SCN11A: variants seen among roughly 807,000 people sequenced by gnomAD.
SCN11A encodes sodium voltage-gated channel alpha subunit 11, also known as sodium channel protein type 11 subunit alpha.
A neutral mutation model predicts 162.2 loss-of-function variants in SCN11A; 122 were observed. That is an observed-to-expected ratio of 0.75 (90% CI 0.65 to 0.87). The LOEUF (loss-of-function observed/expected upper bound fraction) is 0.87, where lower values mean the gene tolerates loss of function less well. Ranked by LOEUF, SCN11A falls within the 40% of genes least tolerant of loss-of-function variation. The probability of loss-of-function intolerance (pLI) is 0.00; values close to 1 mark genes in which losing one functional copy is unlikely to be tolerated. For synonymous variants in SCN11A, 758 were observed against 751.5 expected (o/e 1.01, Z -0.14); for missense variants, 2,015 against 2,181.6 (o/e 0.92, Z 1.52).
intron 2 of SCN11A, among the ~76,000 whole-genome samples, chr3:39,025,603 T>C (rs886410586): frequency 1.3e-5 from 2 of 152,094 alleles, no homozygotes; most frequent in African/African-American, 4.8e-5. Context: ...ATGGCGCTGG[T>C]GGGAGTGTCT....
intron 7 of SCN11A, among the ~76,000 whole-genome samples, chr3:38,940,786 G>A (rs577577665): frequency 2.6e-3 from 399 of 152,072 alleles, no homozygotes; most frequent in South Asian, 0.014. Flanking sequence ...CAAAATCCAC[G>A]GGCATAGAGG....
intron 2 of SCN11A, among the ~76,000 whole-genome samples, chr3:38,963,415 TATGATGGAG>T (rs1206269354): frequency 0.013 from 755 of 55,936 alleles, 12 homozygotes; most frequent in African/African-American, 0.016. Context: ...TATATATATA[TATGATGGAG>T]ATATATATAT....
chr3:38,886,279 G>T, intron 19 of SCN11A, 41 bp from the exon 20 acceptor site: 1 of 1,327,576 alleles, frequency 7.5e-7, no homozygotes, highest in Non-Finnish European at 1.1e-6. Flanking sequence ...ATTCCTCCTG[G>T]ACATGTCACT....
chr3:38,938,548 ATATTTTTTTTTTTTTTT>A (rs2066389259), intron 7 of SCN11A, among the ~76,000 whole-genome samples: 1 of 16,944 alleles, frequency 5.9e-5, no homozygotes, highest in African/African-American at 3.3e-4. Context: ...ATATATATAT[ATATTTTTTTTTTTTTTT>A]TTTTTTTTTT....
At chr3:38,856,803 A>G (rs893439750) in intron 28 of SCN11A, among the ~76,000 whole-genome samples, 26 of 152,216 alleles carry the variant, frequency 1.7e-4, no homozygotes, top group African/African-American at 6.3e-4. Flanking sequence ...ACTCCATAGG[A>G]GACAGTGAAC....
At chr3:38,929,135 G>GCGCACA (rs1463876491) in intron 7 of SCN11A, among the ~76,000 whole-genome samples, 1 of 66,604 alleles carries the variant, frequency 1.5e-5, no homozygotes, top group Non-Finnish European at 3.2e-5. Context: ...GTCTGTGCAC[G>GCGCACA]CACACACACA....
intron 13 of SCN11A, 51 bp downstream of exon 13, chr3:38,908,946 A>T: frequency 7.0e-6 from 10 of 1,425,700 alleles, no homozygotes; most frequent in African/African-American, 1.4e-5. Flanking sequence ...GCCTCTGGGG[A>T]CCCCTTCCCC....
chr3:38,877,040 ATGGTG>A (rs2065220816), intron 23 of SCN11A, among the ~76,000 whole-genome samples: 1 of 34,380 alleles, frequency 2.9e-5, no homozygotes, highest in Non-Finnish European at 7.2e-5. Context: ...TGGTATATAT[ATGGTG>A]TATATACTAT....
intron 2 of SCN11A, among the ~76,000 whole-genome samples, chr3:39,014,673 T>A (rs60482552): frequency 6.6e-6 from 1 of 152,096 alleles, no homozygotes; most frequent in African/African-American, 2.4e-5. Context: ...ATGAGTTCTG[T>A]GATTGGAAGT....
chr3:38,957,747 G>T (rs950634165), intron 3 of SCN11A, among the ~76,000 whole-genome samples: 1 of 152,234 alleles, frequency 6.6e-6, no homozygotes, highest in Non-Finnish European at 1.5e-5. Flanking sequence ...TTCCAAAGCT[G>T]CAAGCTTTAT....
chr3:38,986,612 TTCTC>T (rs59541535), intron 2 of SCN11A, among the ~76,000 whole-genome samples: 1 of 151,412 alleles, frequency 6.6e-6, no homozygotes, highest in Non-Finnish European at 1.5e-5. Context: ...CCCTCCCTCC[TTCTC>T]TCTCTCTCTC....
At chr3:38,907,439 T>TA (rs1387872642) in intron 14 of SCN11A, among the ~76,000 whole-genome samples, 1 of 151,214 alleles carries the variant, frequency 6.6e-6, no homozygotes, top group Non-Finnish European at 1.5e-5. Flanking sequence ...CTGGCTTCAG[T>TA]GGTAACTGGC....
chr3:38,916,941 G>C (rs1230275921), intron 11 of SCN11A, among the ~76,000 whole-genome samples: 1 of 152,154 alleles, frequency 6.6e-6, no homozygotes, highest in Non-Finnish European at 1.5e-5. Context: ...AGCATGTTGT[G>C]ATCACTGTGG....
chr3:38,883,405 T>C lies in SCN11A; in HGVS notation c.3065-18A>G. The C allele has an allele frequency of 6.2e-7, 1 of 1,608,878 alleles. No homozygotes were observed. The highest frequency in any genetic ancestry group is 1.3e-5 in the African/African-American group (1 of 74,774). On this transcript the variant is annotated intron_variant, in intron 21 of 29. Coordinates refer to ENST00000302328, the MANE Select transcript of SCN11A (RefSeq NM_001349253.2). ...ACCAAAGCCTGAAAGGAATTAATGG[T>C]AGCACTATCATTAGTGTCTGTAATA...
intron 28 of SCN11A, among the ~76,000 whole-genome samples, chr3:38,855,249 C>T (rs1394417134): frequency 3.3e-5 from 5 of 152,222 alleles, no homozygotes; most frequent in Non-Finnish European, 7.3e-5. Context: ...TCACTACTGG[C>T]TATCCCCCAC....
At chr3:38,898,587 T>C (rs1224861228) in intron 17 of SCN11A, among the ~76,000 whole-genome samples, 1 of 152,244 alleles carries the variant, frequency 6.6e-6, no homozygotes, top group Non-Finnish European at 1.5e-5. Flanking sequence ...TATTCAAGAC[T>C]TGTATACTTT....
intron 2 of SCN11A, among the ~76,000 whole-genome samples, chr3:39,015,787 A>G (rs1228354261): frequency 6.6e-6 from 1 of 152,140 alleles, no homozygotes. Context: ...CCCAGGCTGG[A>G]GTGCAGTGGC....
At chr3:39,048,258 G>A (rs1031876948) in intron 1 of SCN11A, among the ~76,000 whole-genome samples, 1 of 152,196 alleles carries the variant, frequency 6.6e-6, no homozygotes, top group Non-Finnish European at 1.5e-5. Context: ...AGTGAAATAA[G>A]CCAGGCACAG....
At chr3:38,858,987 C>T (rs1378425375) in intron 28 of SCN11A, among the ~76,000 whole-genome samples, 3 of 151,880 alleles carry the variant, frequency 2.0e-5, no homozygotes, top group Non-Finnish European at 4.4e-5. Context: ...ATAACAGTGA[C>T]ACAACTTATG....
Sources: gnomAD v4.1 joint callset for allele counts (sites outside exome capture counted in the v4.1 genomes callset) on GRCh38, gnomAD v4.1.1 for gene constraint, MANE v1.5 for transcripts, NCBI Gene and HGNC (gene_info 2026-07-23, HGNC 2026-07-21) for gene names.